Variants in DGKG observed in about 807,000 individuals in gnomAD.
DGKG encodes the protein diacylglycerol kinase gamma.
Under a neutral mutation model 105.3 loss-of-function variants are expected in DGKG, and 78 were observed. That is an observed-to-expected ratio of 0.74 (90% CI 0.62 to 0.89). DGKG has a LOEUF of 0.89. Among genes scored for constraint, DGKG ranks in the 40% least tolerant of loss-of-function variants. The pLI is 0.00. For missense variants in DGKG, 958 were observed against 1,020.1 expected, an observed-to-expected ratio of 0.94 and a Z score of 0.83; for synonymous variants, 346 against 367.1, an observed-to-expected ratio of 0.94 and a Z score of 0.66.
chr3:186,267,697 G>A lies in DGKG; in HGVS notation c.1197C>T (p.Cys399=), dbSNP rs368117788. 4 of 1,614,000 alleles carry A rather than the reference G, an allele frequency of 2.5e-6. No homozygotes were observed. Among genetic ancestry groups the A allele is most frequent in the South Asian group, 1.1e-5 (1 of 91,076 alleles). Residue 399 remains cysteine, a synonymous_variant, in exon 13 of 25, where the codon TGC becomes TGT. Coordinates refer to ENST00000265022, the MANE Select transcript of DGKG (RefSeq NM_001346.3). ...CAGGAGCACTTACCCGGGTGATGGG[G>A]CATATGGAGGTGGGCAGTAAGATGT... ...RDHILLPTSI[C]PITRDRPGEK...
rs1718586782 is a variant in DGKG at position 186,203,744 on chromosome 3, T to C, written c.1917+8051A>G. Reference sequence around the variant, plus strand: ...ATATGTAATCAGGTTGGCCCTCTTATTTTCCACGAACTCAAAATCCCTTCT... The same window carrying C: ...ATATGTAATCAGGTTGGCCCTCTTACTTTCCACGAACTCAAAATCCCTTCT... On this transcript the variant is annotated intron_variant, in intron 21 of 24. Transcript: ENST00000265022. This position sits in a 1 kb window ranked among gnomAD's most constrained non-coding sequence, Gnocchi z 4.9. Among the ~76,000 whole-genome samples the C allele has an allele frequency of 6.6e-6, 1 of 152,236 alleles. No homozygotes were observed. Among genetic ancestry groups the C allele is most frequent in the South Asian group, 2.1e-4 (1 of 4,834 alleles).
chr3:186,340,271 A>G (rs1160037459), intron 1 of DGKG, among the ~76,000 whole-genome samples: 1 of 152,222 alleles, frequency 6.6e-6, no homozygotes, highest in Non-Finnish European at 1.5e-5. Context: ...GAATAAGTAA[A>G]TTTAAAAAAC....
chr3:186,242,396 A>T, intron 20 of DGKG, 108 bp downstream of exon 20: 1 of 880,156 alleles, frequency 1.1e-6, no homozygotes, highest in Non-Finnish European at 1.7e-6. Context: ...AGGAAGGCCA[A>T]GTCCCCAGCG....
intron 8 of DGKG, 74 bp from the exon 9 acceptor site, chr3:186,280,047 T>C (rs1405292053): frequency 2.5e-6 from 4 of 1,571,946 alleles, no homozygotes; most frequent in Non-Finnish European, 3.5e-6. Context: ...CTCTGCTGTC[T>C]TGTTCATCTT....
intron 9 of DGKG, among the ~76,000 whole-genome samples, chr3:186,276,214 C>T (rs1211392159): frequency 6.6e-6 from 1 of 152,154 alleles, no homozygotes; most frequent in Non-Finnish European, 1.5e-5. Flanking sequence ...GTACATCCGT[C>T]TGATGTAATG....
chr3:186,249,912 T>C (rs1463867958), intron 19 of DGKG, among the ~76,000 whole-genome samples: 1 of 152,188 alleles, frequency 6.6e-6, no homozygotes, highest in African/African-American at 2.4e-5. Context: ...TTTCTCCTTC[T>C]CTTTCCTTTA....
chr3:186,231,522 G>A lies in DGKG; in HGVS notation c.1826+10982C>T, dbSNP rs1330128185. 6.6e-6 allele frequency among the ~76,000 whole-genome samples: 1 copy of A among 152,172 alleles called. No individual in the cohort carries two copies. Among genetic ancestry groups the A allele is most frequent in the African/African-American group, 2.4e-5 (1 of 41,428 alleles). ...AGATTCTTGAAAGCTCTCAATAAAT[G>A]ATGGCTACTATTGTTGGTATGGGTT... On this transcript the variant is annotated intron_variant, in intron 20 of 24. Transcript: ENST00000265022. The surrounding 1 kb of genome is among the most constrained non-coding windows in gnomAD (Gnocchi z 4.5).
intron 22 of DGKG, among the ~76,000 whole-genome samples, 190 bp downstream of exon 22, chr3:186,188,012 C>T (rs1007472247): frequency 3.9e-5 from 6 of 152,180 alleles, no homozygotes; most frequent in Non-Finnish European, 8.8e-5. Context: ...TCATTGAGGA[C>T]ACCCTTATTG....
intron 7 of DGKG, among the ~76,000 whole-genome samples, chr3:186,282,071 T>G (rs1043871301): frequency 1.3e-5 from 2 of 152,208 alleles, no homozygotes; most frequent in African/African-American, 4.8e-5. Context: ...GATAGCACCT[T>G]CAAATACTCG....
At chr3:186,158,391 T>C (rs1468880940) in intron 24 of DGKG, 2 of 983,258 alleles carry the variant, frequency 2.0e-6, no homozygotes, top group Non-Finnish European at 2.4e-6. Flanking sequence ...TAATCTACCA[T>C]GGTGGCTTTG....
At chr3:186,238,954 C>A (rs1382825969) in intron 20 of DGKG, among the ~76,000 whole-genome samples, 2 of 152,122 alleles carry the variant, frequency 1.3e-5, no homozygotes, top group African/African-American at 4.8e-5. Context: ...AGGCCTCAGA[C>A]CTGTGACTTT....
At chr3:186,184,656 TC>T (rs1211746194) in intron 22 of DGKG, among the ~76,000 whole-genome samples, 1 of 152,144 alleles carries the variant, frequency 6.6e-6, no homozygotes, top group Non-Finnish European at 1.5e-5. Context: ...TGCCTCGGCC[TC>T]CCAAAGTGCT....
rs1434710376 is a variant in DGKG, at chr3:186,353,650, G to GTCTATATCTATATCTATA, written c.-249+8295_-249+8296insTATAGATATAGATATAGA. ...TATCTATATCTATATCTATATCTAT[G>GTCTATATCTATATCTATA]TCTATGTCTATATCTATATCTATAT... On this transcript the variant is annotated intron_variant, in intron 1 of 24. Coordinates refer to ENST00000265022, the MANE Select transcript of DGKG (RefSeq NM_001346.3). Among the ~76,000 whole-genome samples the GTCTATATCTATATCTATA allele has an allele frequency of 5.4e-3, 331 of 60,842 alleles. 4 individuals are homozygous for GTCTATATCTATATCTATA. The highest frequency in any genetic ancestry group is 0.014 in the African/African-American group (308 of 21,836). 39.9% of individuals were successfully genotyped at this position (60,842 alleles called of 152,430 possible).
At chr3:186,338,190 A>G (rs1399636318) in intron 1 of DGKG, among the ~76,000 whole-genome samples, 1 of 149,778 alleles carries the variant, frequency 6.7e-6, no homozygotes, top group Non-Finnish European at 1.5e-5. Flanking sequence ...AAAAAAAAAG[A>G]AAGAAGGAAA....
At chr3:186,350,212 G>C (rs551310331) in intron 1 of DGKG, among the ~76,000 whole-genome samples, 2 of 152,202 alleles carry the variant, frequency 1.3e-5, no homozygotes, top group South Asian at 4.2e-4. Flanking sequence ...TTTTCATCTT[G>C]CAAAATGAAC....
chr3:186,273,451 C>T (rs9290831), intron 10 of DGKG, among the ~76,000 whole-genome samples: 32,500 of 144,744 alleles, frequency 0.22, 7,893 homozygotes, highest in African/African-American at 0.61. Flanking sequence ...CTCGGCTCAC[C>T]GCAACCTCCG....
intron 1 of DGKG, among the ~76,000 whole-genome samples, chr3:186,337,962 G>C (rs918061066): frequency 2.0e-5 from 3 of 152,012 alleles, no homozygotes; most frequent in Non-Finnish European, 4.4e-5. Context: ...CTGAGCCCAG[G>C]AGTTCAAGAC....
At chr3:186,309,668 T>G (rs973402551) in intron 2 of DGKG, among the ~76,000 whole-genome samples, 16 of 152,234 alleles carry the variant, frequency 1.1e-4, no homozygotes, top group Admixed American at 2.6e-4. Context: ...CTGGTGTGAC[T>G]TCTGCAAGAA....
intron 20 of DGKG, among the ~76,000 whole-genome samples, chr3:186,239,997 C>G (rs1192065865): frequency 6.6e-6 from 1 of 150,816 alleles, no homozygotes; most frequent in East Asian, 1.9e-4. Context: ...GTTGGCCTGC[C>G]TATTGATTTT....
Sources: gnomAD v4.1 joint callset for allele counts (sites outside exome capture counted in the v4.1 genomes callset) on GRCh38, gnomAD v4.1.1 for gene constraint, Gnocchi (gnomAD v3.1) non-coding constraint, MANE v1.5 for transcripts, NCBI Gene and HGNC (gene_info 2026-07-23, HGNC 2026-07-21) for gene names.